Variants in DLGAP2 observed in about 807,000 individuals in gnomAD.
The protein encoded by DLGAP2 is disks large-associated protein 2.
In DLGAP2, 26 loss-of-function variants were observed where a neutral mutation model predicts 100.3. The ratio of observed to expected loss-of-function variants is 0.26; its 90% CI spans 0.19 to 0.36. The LOEUF (loss-of-function observed/expected upper bound fraction) is 0.36, where lower values mean the gene tolerates loss of function less well. Among genes scored for constraint, DLGAP2 ranks in the 10% least tolerant of loss-of-function variants. The pLI is 1.00. For missense variants in DLGAP2, 1,858 were observed against 1,453.2 expected, an observed-to-expected ratio of 1.28 and a Z score of -4.53; for synonymous variants, 886 against 630.1, an observed-to-expected ratio of 1.41 and a Z score of -6.08.
At chr8:1,168,161 T>C (rs1256437784) in intron 2 of DLGAP2, among the ~76,000 whole-genome samples, 1 of 151,178 alleles carries the variant, frequency 6.6e-6, no homozygotes, top group African/African-American at 2.4e-5. Flanking sequence ...CATAGTTTAC[T>C]GAGAATGATG....
intron 3 of DLGAP2, among the ~76,000 whole-genome samples, chr8:1,351,449 CCTGA>C (rs1801722802): frequency 2.4e-5 from 1 of 42,500 alleles, no homozygotes; most frequent in African/African-American, 6.8e-5. Context: ...CCGTGTGGGT[CCTGA>C]CTGTGTGTGG....
At chr8:747,578 G>C in intron 1 of DLGAP2, among the ~76,000 whole-genome samples, 1 of 138,092 alleles carries the variant, frequency 7.2e-6, no homozygotes, top group Non-Finnish European at 1.6e-5. Context: ...CTCTGCAGCA[G>C]TATGAGGGGC....
intron 1 of DLGAP2, among the ~76,000 whole-genome samples, chr8:803,256 C>T (rs1160348361): frequency 6.6e-6 from 1 of 152,206 alleles, no homozygotes; most frequent in African/African-American, 2.4e-5. Flanking sequence ...GGAATTGCTT[C>T]CCCCAGCCTG....
chr8:1,027,599 C>T (rs1801843030), intron 2 of DLGAP2, among the ~76,000 whole-genome samples: 2 of 145,576 alleles, frequency 1.4e-5, no homozygotes, highest in African/African-American at 5.1e-5. Context: ...TGCCAGGGGC[C>T]CGTTATTCTC....
chr8:1,006,415 T>A (rs1368220046), intron 2 of DLGAP2, among the ~76,000 whole-genome samples: 1 of 146,762 alleles, frequency 6.8e-6, no homozygotes. Flanking sequence ...AGTCTCGGGA[T>A]GTGGTCCTTT....
chr8:989,857 C>A (rs1014673357), intron 2 of DLGAP2, among the ~76,000 whole-genome samples: 6 of 152,174 alleles, frequency 3.9e-5, no homozygotes, highest in Non-Finnish European at 7.3e-5. Flanking sequence ...ATGACACCAG[C>A]TGCTCTTGTC....
chr8:1,254,302 C>T (rs1331736836), intron 2 of DLGAP2, among the ~76,000 whole-genome samples: 1 of 152,196 alleles, frequency 6.6e-6, no homozygotes, highest in Admixed American at 6.5e-5. Flanking sequence ...ATCATGTGAC[C>T]TCTGATGGGT....
chr8:1,262,846 C>G (rs1312076369), intron 3 of DLGAP2, among the ~76,000 whole-genome samples: 1 of 152,090 alleles, frequency 6.6e-6, no homozygotes, highest in Non-Finnish European at 1.5e-5. Context: ...TCAACTAGAA[C>G]ACAGGAAAAT....
At chr8:1,484,997 C>A (rs971480415) in intron 3 of DLGAP2, among the ~76,000 whole-genome samples, 1 of 152,158 alleles carries the variant, frequency 6.6e-6, no homozygotes, top group Non-Finnish European at 1.5e-5. Context: ...TTAAATTCCG[C>A]TAATAATAAC....
chr8:872,328 CTTTTCTTTTTT>C (rs990318907), intron 1 of DLGAP2, among the ~76,000 whole-genome samples: 6 of 129,512 alleles, frequency 4.6e-5, no homozygotes, highest in African/African-American at 8.3e-5. Flanking sequence ...TCTCTCACTT[CTTTTCTTTTTT>C]TTTTTTTTTT....
At chr8:1,200,642 C>T (rs1359103832) in intron 2 of DLGAP2, among the ~76,000 whole-genome samples, 2 of 152,216 alleles carry the variant, frequency 1.3e-5, no homozygotes, top group Non-Finnish European at 2.9e-5. Flanking sequence ...CGGCAAACTG[C>T]AGATGTTGGT....
intron 2 of DLGAP2, among the ~76,000 whole-genome samples, chr8:950,115 G>C (rs760173948): frequency 7.9e-5 from 12 of 152,138 alleles, no homozygotes; most frequent in Non-Finnish European, 1.6e-4. Context: ...TCAATACTCA[G>C]GGACTGCAAG....
At chr8:1,411,618 C>T (rs1796733320) in intron 3 of DLGAP2, among the ~76,000 whole-genome samples, 1 of 152,226 alleles carries the variant, frequency 6.6e-6, no homozygotes, top group Non-Finnish European at 1.5e-5. Flanking sequence ...CCTCGTGCTC[C>T]TCCTGGCCTG....
chr8:1,667,114 G>GC (rs1798563844), intron 8 of DLGAP2, among the ~76,000 whole-genome samples: 2 of 152,238 alleles, frequency 1.3e-5, no homozygotes, highest in African/African-American at 4.8e-5. Flanking sequence ...GATGAGGGGA[G>GC]CAGATTCCCT....
At chr8:1,574,891 C>G (rs1802896757) in intron 6 of DLGAP2, among the ~76,000 whole-genome samples, 1 of 152,142 alleles carries the variant, frequency 6.6e-6, no homozygotes, top group African/African-American at 2.4e-5. Context: ...TGAGAAAATA[C>G]CTAATGAGTC....
At chr8:1,412,312 C>T (rs1002024010) in intron 3 of DLGAP2, among the ~76,000 whole-genome samples, 1 of 152,224 alleles carries the variant, frequency 6.6e-6, no homozygotes. Flanking sequence ...CCTTCTGAGG[C>T]TCCATTCTCT....
At chr8:884,508 T>A (rs1797883875) in intron 1 of DLGAP2, among the ~76,000 whole-genome samples, 1 of 152,140 alleles carries the variant, frequency 6.6e-6, no homozygotes, top group African/African-American at 2.4e-5. Context: ...ATAGTTTAAG[T>A]TCCTTGTAAA....
In DLGAP2 at chr8:1,705,812, T is replaced by C. The variant is rs1799690530; in HGVS notation, c.*4406T>C. On this transcript the variant is annotated 3_prime_UTR_variant, in exon 15 of 15. Coordinates refer to ENST00000637795, the MANE Select transcript of DLGAP2 (RefSeq NM_001346810.2). ...ATGTTCCAGGGTTCTCTTGTTTTGA[T>C]CTGCATGTCTGTTTACACTTCTCTG... is the stretch of plus-strand genomic sequence containing the variant. 1 of 152,222 alleles carries C rather than the reference T, an allele frequency of 6.6e-6. No homozygotes were observed. Among genetic ancestry groups the C allele is most frequent in the Non-Finnish European group, 1.5e-5 (1 of 68,048 alleles). 9.4% of individuals were successfully genotyped at this position (152,222 alleles called of 1,614,324 possible). A position where few individuals can be genotyped will look rare whatever the true frequency, so the allele number is the denominator to read the frequency against.
At chr8:1,299,089 A>T (rs1420172901) in intron 3 of DLGAP2, among the ~76,000 whole-genome samples, 4 of 152,200 alleles carry the variant, frequency 2.6e-5, no homozygotes, top group African/African-American at 9.7e-5. Flanking sequence ...GTAACTTTTA[A>T]TTTGGATTAC....
Sources: gnomAD v4.1 joint callset for allele counts (sites outside exome capture counted in the v4.1 genomes callset) on GRCh38, gnomAD v4.1.1 for gene constraint, MANE v1.5 for transcripts, NCBI Gene and HGNC (gene_info 2026-07-23, HGNC 2026-07-21) for gene names.